CTNNA3: variants seen among roughly 807,000 people sequenced by gnomAD.
CTNNA3 encodes catenin alpha-3.
A neutral mutation model predicts 95.7 loss-of-function variants in CTNNA3; 76 were observed. The ratio of observed to expected loss-of-function variants is 0.79; its 90% confidence interval spans 0.66 to 0.96. The LOEUF (loss-of-function observed/expected upper bound fraction) is 0.96, where lower values mean the gene tolerates loss of function less well. Ranked by LOEUF, CTNNA3 falls within the 40% of genes least tolerant of loss-of-function variation. CTNNA3 has a pLI of 0.00. For missense variants in CTNNA3, 1,191 were observed against 1,089.8 expected (o/e 1.09, Z -1.31); for synonymous variants, 431 against 374.4 (o/e 1.15, Z -1.74).
chr10:67,085,291 C>G lies in CTNNA3; in HGVS notation c.1047+95026G>C, dbSNP rs1303482946. On this transcript the variant is annotated intron_variant, in intron 7 of 17. Coordinates refer to ENST00000433211, the MANE Select transcript of CTNNA3 (RefSeq NM_013266.4). ...AATAGTAATCAAAAATATGACTAGT[C>G]TTCTTGTTTATTATTTATAAGAAAC... Among the ~76,000 whole-genome samples the G allele has an allele frequency of 2.0e-5, 3 of 151,556 alleles. No homozygotes were observed. The East Asian group carries it at 5.8e-4, about 29-fold the overall frequency.
At position 66,346,467 on chromosome 10, in the gene CTNNA3, C is replaced by T. The variant is rs547531135; in HGVS notation, c.1732+32685G>A. 8.6e-5 allele frequency among the ~76,000 whole-genome samples: 13 copies of T among 151,880 alleles called. No individual in the cohort carries two copies. In the East Asian group the frequency reaches 9.8e-4, roughly 11 times the overall value. On this transcript the variant is annotated intron_variant, in intron 12 of 17. Coordinates refer to ENST00000433211, the MANE Select transcript of CTNNA3 (RefSeq NM_013266.4). ...CTAAGTTTTGTATTTTTAGTAAAGA[C>T]GGGGCTTCACCATGTTGGCCTGGAT...
rs182801908 is a variant in CTNNA3, at chr10:66,860,240, G to A, written c.1048-84716C>T. On this transcript the variant is annotated intron_variant, in intron 7 of 17. Transcript: ENST00000433211. ...TAAAAGAATTGACTTCTTACAATTTGAATGGACTTTAGAAATAATCTGGCA... is the reference window on the plus strand; with the variant it reads ...TAAAAGAATTGACTTCTTACAATTTAAATGGACTTTAGAAATAATCTGGCA... Among the ~76,000 whole-genome samples the A allele has an allele frequency of 6.0e-3, 916 of 152,208 alleles. 11 individuals are homozygous for A. The highest frequency in any genetic ancestry group is 0.021 in the African/African-American group (856 of 41,544).
rs149758579 is a variant in CTNNA3 at position 66,450,449 on chromosome 10, A to G, written c.1531+70168T>C. On this transcript the variant is annotated intron_variant, in intron 11 of 17. Coordinates refer to ENST00000433211, the MANE Select transcript of CTNNA3 (RefSeq NM_013266.4). ...ACCTCACTTTACTATACTGATGTTA[A>G]GGGGTCACCATACAGCAAAACACTA... 8.3e-4 allele frequency among the ~76,000 whole-genome samples: 127 copies of G among 152,160 alleles called. 1 individual carries two copies. The highest frequency in any genetic ancestry group is 2.7e-3 in the African/African-American group (111 of 41,576).
chr10:67,215,512 C>T (rs977135881), intron 6 of CTNNA3, among the ~76,000 whole-genome samples: 5 of 152,028 alleles, frequency 3.3e-5, no homozygotes, highest in African/African-American at 1.2e-4. Context: ...GGAGGTATTG[C>T]CAGGATAAGG....
chr10:66,622,808 T>C (rs1390837213), intron 9 of CTNNA3, among the ~76,000 whole-genome samples: 2 of 152,184 alleles, frequency 1.3e-5, no homozygotes, highest in African/African-American at 2.4e-5. Flanking sequence ...AAACAACATA[T>C]GACTTTGGAT....
At chr10:66,274,842 A>G (rs1005936870) in intron 13 of CTNNA3, among the ~76,000 whole-genome samples, 4 of 152,164 alleles carry the variant, frequency 2.6e-5, no homozygotes, top group African/African-American at 9.6e-5. Flanking sequence ...CTGACATCTT[A>G]ATATTGAATC....
intron 13 of CTNNA3, among the ~76,000 whole-genome samples, chr10:66,131,279 G>A (rs10996922): frequency 0.17 from 26,575 of 151,882 alleles, 2,772 homozygotes; most frequent in South Asian, 0.4. Flanking sequence ...GAAGACTTCC[G>A]GCCAATATCC....
intron 2 of CTNNA3, among the ~76,000 whole-genome samples, chr10:67,608,526 TCACCA>T (rs1443788997): frequency 6.6e-6 from 1 of 152,202 alleles, no homozygotes; most frequent in East Asian, 1.9e-4. Context: ...AACAAACTCC[TCACCA>T]CAAGTATATG....
At chr10:66,282,757 A>G (rs182043621) in intron 12 of CTNNA3, among the ~76,000 whole-genome samples, 6 of 151,998 alleles carry the variant, frequency 3.9e-5, no homozygotes, top group Admixed American at 2.0e-4. Context: ...TGGACACTCA[A>G]TAAGTTGTTT....
chr10:67,114,516 T>G lies in CTNNA3; in HGVS notation c.1047+65801A>C, dbSNP rs375847817. On this transcript the variant is annotated intron_variant, in intron 7 of 17. Transcript: ENST00000433211. ...ATTCTGGAGTCTCTGTAGATTTTTT[T>G]TATTGTTTTTCCTGCTGCCATCAAC... Among the ~76,000 whole-genome samples, 4 of 152,248 alleles carry G rather than the reference T, an allele frequency of 2.6e-5. No homozygotes were observed. The East Asian group carries it at 7.7e-4, about 29-fold the overall frequency.
chr10:67,171,261 G>A (rs1321300477), intron 7 of CTNNA3, among the ~76,000 whole-genome samples: 3 of 152,122 alleles, frequency 2.0e-5, no homozygotes, highest in Non-Finnish European at 4.4e-5. Flanking sequence ...AGACATATAA[G>A]CATATTCAAA....
chr10:66,057,896 G>T (rs1027998696), intron 15 of CTNNA3, among the ~76,000 whole-genome samples: 1 of 152,154 alleles, frequency 6.6e-6, no homozygotes, highest in Middle Eastern at 3.4e-3. Flanking sequence ...AGATATTTGT[G>T]TATATTTACC....
intron 7 of CTNNA3, among the ~76,000 whole-genome samples, chr10:67,044,067 T>C (rs1424004155): frequency 1.3e-5 from 2 of 151,840 alleles, no homozygotes; most frequent in Admixed American, 6.6e-5. Flanking sequence ...TAGTACCAAA[T>C]AGGTAGTTTT....
At position 66,394,550 on chromosome 10, in the gene CTNNA3, T is replaced by TA. The variant is rs71035137; in HGVS notation, c.1532-15199dup. Among the ~76,000 whole-genome samples, 984 of 128,088 alleles carry TA rather than the reference T, an allele frequency of 7.7e-3. 7 individuals are homozygous for TA. Among genetic ancestry groups the TA allele is most frequent in the Middle Eastern group, 0.039 (9 of 232 alleles). 84.0% of individuals were successfully genotyped at this position (128,088 alleles called of 152,430 possible). On this transcript the variant is annotated intron_variant, in intron 11 of 17. Coordinates refer to ENST00000433211, the MANE Select transcript of CTNNA3 (RefSeq NM_013266.4). ...AACATCTAATAACAAAGCACTGGGT[T>TA]AAAAAAAAAAAAAAAAAAAAAGAAG...
intron 5 of CTNNA3, among the ~76,000 whole-genome samples, chr10:67,450,837 A>G (rs981174726): frequency 1.3e-5 from 2 of 151,870 alleles, no homozygotes; most frequent in Non-Finnish European, 2.9e-5. Flanking sequence ...TGAAAAAAAG[A>G]CTTTATTCTA....
intron 5 of CTNNA3, among the ~76,000 whole-genome samples, chr10:67,248,517 G>T (rs753789899): frequency 6.6e-6 from 1 of 152,076 alleles, no homozygotes; most frequent in Non-Finnish European, 1.5e-5. Flanking sequence ...CTGGGCTCAG[G>T]TGATTCTCCC....
intron 7 of CTNNA3, among the ~76,000 whole-genome samples, chr10:67,148,982 T>C (rs1860965950): frequency 6.6e-6 from 1 of 152,216 alleles, no homozygotes; most frequent in African/African-American, 2.4e-5. Context: ...TAAATTGTCT[T>C]ATGGCTAAAT....
chr10:67,713,651 T>C (rs1263048305), intron 1 of CTNNA3, among the ~76,000 whole-genome samples: 1 of 152,150 alleles, frequency 6.6e-6, no homozygotes, highest in Non-Finnish European at 1.5e-5. Flanking sequence ...TGGATGAAGC[T>C]GGAAACCATC....
chr10:66,996,776 A>G (rs1260409721), intron 7 of CTNNA3, among the ~76,000 whole-genome samples: 2 of 151,872 alleles, frequency 1.3e-5, no homozygotes, highest in Non-Finnish European at 2.9e-5. Context: ...GGGTATGTGC[A>G]AAAATATTAT....
Sources: gnomAD v4.1 joint callset for allele counts (sites outside exome capture counted in the v4.1 genomes callset) on GRCh38, gnomAD v4.1.1 for gene constraint, MANE v1.5 for transcripts, NCBI Gene and HGNC (gene_info 2026-07-23, HGNC 2026-07-21) for gene names.